The following KLK9 variants were observed in gnomAD, a reference collection of about 807,000 sequenced individuals.
KLK9 encodes the protein kallikrein related peptidase 9.
In KLK9, 26 loss-of-function variants were observed where a neutral mutation model predicts 23.3. The observed-to-expected ratio is 1.12, with a 90% confidence interval of 0.82 to 1.55. The LOEUF (loss-of-function observed/expected upper bound fraction) is 1.55. Ranked by LOEUF, KLK9 falls within the 40% of genes most tolerant of loss-of-function variation. KLK9 has a pLI of 0.00. For synonymous variants in KLK9, 122 were observed against 128.5 expected (o/e 0.95, Z 0.34); for missense variants, 346 against 333.7 (o/e 1.04, Z -0.29).
chr19:51,003,318 C>T (rs1203481748), intron 4 of KLK9, 58 bp from the exon 5 acceptor site: 3 of 1,524,114 alleles, frequency 2.0e-6, no homozygotes, highest in African/African-American at 2.7e-5. Flanking sequence ...GACAATTACA[C>T]GGGCCACTTC....
In KLK9 at chr19:51,009,499, C is replaced by G; in HGVS notation, c.43+6G>C. 1 of 1,607,714 alleles carries G rather than the reference C, an allele frequency of 6.2e-7. No homozygotes were observed. Among genetic ancestry groups the G allele is most frequent in the East Asian group, 2.2e-5 (1 of 44,826 alleles). On this transcript the variant is annotated splice_donor_region_variant and intron_variant, in intron 1 of 4. Coordinates refer to ENST00000594211, the MANE Select transcript of KLK9 (RefSeq NM_012315.2). The surrounding 1 kb of genome is among the most constrained non-coding windows in gnomAD (Gnocchi z 4.8). Reference sequence around the variant, plus strand: ...CGTGAAGGGGCAGCCAGCCTGGGAGCCTCACCTGCCAGCAGAGAGAGCAGA... The same window carrying G: ...CGTGAAGGGGCAGCCAGCCTGGGAGGCTCACCTGCCAGCAGAGAGAGCAGA...
At chr19:51,004,127 G>A (rs1055942076) in intron 3 of KLK9, among the ~76,000 whole-genome samples, 1 of 151,828 alleles carries the variant, frequency 6.6e-6, no homozygotes, top group Non-Finnish European at 1.5e-5. Flanking sequence ...ATCGCTTGAG[G>A]TCAGGAGTTT....
chr19:51,007,664 T>C (rs140072271), intron 2 of KLK9, among the ~76,000 whole-genome samples: 10 of 151,720 alleles, frequency 6.6e-5, no homozygotes, highest in African/African-American at 9.6e-5. Flanking sequence ...TAAAGGAGGT[T>C]CCATCATGGA....
chr19:51,006,613 C>T lies in KLK9; in HGVS notation c.311G>A (p.Ser104Asn), dbSNP rs775415538. The change falls in exon 3 of 5, where the codon AGC becomes AAC. Residue 104 changes from serine to asparagine, a missense_variant. By Grantham distance (46) the Ser-to-Asn change is conservative. Transcript: ENST00000594211. This position sits in a 1 kb window ranked among gnomAD's most constrained non-coding sequence, Gnocchi z 4.1. ...FPHPGFNKDL[S>N]ANDHNDDIML... ...GATGTCATCATTGTGGTCATTGGCG[C>T]TGAGGTCCTTGTTGAAGCCAGGGTG... 1.9e-6 allele frequency: 3 copies of T among 1,613,298 alleles called. No individual in the cohort carries two copies. The highest frequency in any genetic ancestry group is 2.5e-6 in the Non-Finnish European group (3 of 1,179,468).
chr19:51,003,935 C>T (rs2091245652), intron 3 of KLK9, 95 bp from the exon 4 acceptor site: 1 of 968,932 alleles, frequency 1.0e-6, no homozygotes, highest in African/African-American at 1.6e-5. Flanking sequence ...TTCCAAAGGA[C>T]CAATGGAGCC....
At chr19:51,008,057 G>A (rs781237649) in intron 2 of KLK9, among the ~76,000 whole-genome samples, 4 of 151,736 alleles carry the variant, frequency 2.6e-5, no homozygotes, top group Admixed American at 6.6e-5. Flanking sequence ...TTGGCTGGGC[G>A]CGGTGGCTCA....
chr19:51,007,475 T>C (rs1270494008), intron 2 of KLK9, among the ~76,000 whole-genome samples: 1 of 151,868 alleles, frequency 6.6e-6, no homozygotes, highest in Non-Finnish European at 1.5e-5. Flanking sequence ...TCTCTCTCTG[T>C]CATTCTTGCT....
intron 3 of KLK9, among the ~76,000 whole-genome samples, chr19:51,004,119 C>G (rs546310415): frequency 6.6e-6 from 1 of 151,792 alleles, no homozygotes; most frequent in South Asian, 2.1e-4. Context: ...GCCGGCGGAT[C>G]GCTTGAGGTC....
In KLK9 at chr19:51,002,797, T is replaced by C. The variant is rs1287983089; in HGVS notation, c.*314A>G. 1 of 274,076 alleles carries C rather than the reference T, an allele frequency of 3.6e-6. No homozygotes were observed. Among genetic ancestry groups the C allele is most frequent in the Non-Finnish European group, 6.8e-6 (1 of 146,560 alleles). The allele number at this position is 274,076 out of a possible 1,614,324, so 17.0% of individuals were successfully genotyped here. A position where few individuals can be genotyped will look rare whatever the true frequency, so the allele number is the denominator to read the frequency against. Reference sequence around the variant, plus strand: ...GGCAAAGTTCCGAGGGGCGGAGCTATTTTGTGTAAGTGGTTCCTTGGGGCG... The same window carrying C: ...GGCAAAGTTCCGAGGGGCGGAGCTACTTTGTGTAAGTGGTTCCTTGGGGCG... On this transcript the variant is annotated 3_prime_UTR_variant, in exon 5 of 5. Transcript: ENST00000594211.
intron 3 of KLK9, among the ~76,000 whole-genome samples, chr19:51,005,938 T>C (rs1031776905): frequency 2.7e-5 from 4 of 149,678 alleles, no homozygotes; most frequent in Non-Finnish European, 4.5e-5. Context: ...AAAAAGATAA[T>C]AATAATAATA....
chr19:51,005,516 G>T (rs775819565), intron 3 of KLK9, among the ~76,000 whole-genome samples: 1 of 152,092 alleles, frequency 6.6e-6, no homozygotes, highest in Non-Finnish European at 1.5e-5. Context: ...AAGAAAATTG[G>T]AACAGTATGG....
rs1315595767 is a variant in KLK9 at position 51,009,418 on chromosome 19, G to A, written c.44-79C>T. ...GGGAGAGGATGCTGAGAAGCCTAGA[G>A]GGCAGGAGGCAGAAGCCTGGGATGG... On this transcript the variant is annotated intron_variant, in intron 1 of 4. Transcript: ENST00000594211. This position sits in a 1 kb window ranked among gnomAD's most constrained non-coding sequence, Gnocchi z 4.8. 4 of 1,551,992 alleles carry A rather than the reference G, an allele frequency of 2.6e-6. No homozygotes were observed. The African/African-American group carries it at 5.4e-5, about 21-fold the overall frequency.
intron 3 of KLK9, among the ~76,000 whole-genome samples, chr19:51,004,884 G>A (rs1050370166): frequency 6.6e-6 from 1 of 152,106 alleles, no homozygotes; most frequent in Admixed American, 6.6e-5. Flanking sequence ...ATACACATGT[G>A]CATCTATATA....
At chr19:51,008,816 C>T (rs184634365) in intron 2 of KLK9, among the ~76,000 whole-genome samples, 39 of 152,292 alleles carry the variant, frequency 2.6e-4, no homozygotes, top group African/African-American at 8.7e-4. Flanking sequence ...TGGCTGGCAT[C>T]ATAATTCCTC....
chr19:51,003,888 C>G (rs1047386500), intron 3 of KLK9, 48 bp from the exon 4 acceptor site: 1 of 1,567,584 alleles, frequency 6.4e-7, no homozygotes. Flanking sequence ...CTCCAACACA[C>G]TCAGCACCCC....
In KLK9 at chr19:51,009,307, C is replaced by G. The variant is rs756411328; in HGVS notation, c.76G>C (p.Ala26Pro). The change falls in exon 2 of 5, where the codon GCC becomes CCC. Residue 26 changes from alanine (A) to proline (P), a missense_variant. Coordinates refer to ENST00000594211, the MANE Select transcript of KLK9 (RefSeq NM_012315.2). This position sits in a 1 kb window ranked among gnomAD's most constrained non-coding sequence, Gnocchi z 4.8. ...HGWADTRAIG[A>P]EECRPNSQPW... ...TGGGAGTTGGGGCGACATTCCTCGG[C>G]CCCGATGGCACGGGTGTCTGCCCAG... The G allele has an allele frequency of 6.3e-7, 1 of 1,594,562 alleles. No individual in the cohort carries two copies. The highest frequency in any genetic ancestry group is 1.3e-5 in the African/African-American group (1 of 74,688).
In KLK9 at chr19:51,009,058, C is replaced by A. The variant is rs2122370105; in HGVS notation, c.200+125G>T. 1 of 1,108,888 alleles carries A rather than the reference C, an allele frequency of 9.0e-7. No individual in the cohort carries two copies. The highest frequency in any genetic ancestry group is 2.8e-5 in the East Asian group (1 of 36,346). The allele number at this position is 1,108,888 out of a possible 1,614,324, so 68.7% of individuals were successfully genotyped here. On this transcript the variant is annotated intron_variant, in intron 2 of 4. Transcript: ENST00000594211. The surrounding 1 kb of genome is among the most constrained non-coding windows in gnomAD (Gnocchi z 4.8). ...AGGATTTGGGAGGCTACCCTTCCTA[C>A]TTCTAAGAGTTGAACTTGTGGTATC...
At chr19:51,003,392 C>T in intron 4 of KLK9, 132 bp from the exon 5 acceptor site, 2 of 1,001,928 alleles carry the variant, frequency 2.0e-6, no homozygotes, top group Non-Finnish European at 2.8e-6. Flanking sequence ...CATCTCCAGC[C>T]TCTTCTTCCT....
intron 2 of KLK9, among the ~76,000 whole-genome samples, chr19:51,008,897 C>A (rs533355033): frequency 1.3e-4 from 20 of 152,306 alleles, no homozygotes; most frequent in African/African-American, 4.6e-4. Flanking sequence ...TTTGCTGAGG[C>A]TATTGCAGAA....
Sources: allele counts gnomAD v4.1 joint callset (sites outside exome capture counted in the v4.1 genomes callset), GRCh38; gene constraint gnomAD v4.1.1; non-coding constraint Gnocchi (gnomAD v3.1); transcripts MANE v1.5; gene names NCBI Gene and HGNC (gene_info 2026-07-23, HGNC 2026-07-21).